Variants in PKN3 observed in about 807,000 individuals in gnomAD.
PKN3 encodes protein kinase N3.
A neutral mutation model predicts 113.1 loss-of-function variants in PKN3; 91 were observed. The observed-to-expected ratio is 0.80, with a 90% CI of 0.68 to 0.96. The LOEUF (loss-of-function observed/expected upper bound fraction) is 0.96. Among genes scored for constraint, PKN3 ranks in the 40% least tolerant of loss-of-function variants. The pLI is 0.00. For synonymous variants in PKN3, 467 were observed against 499.0 expected, an observed-to-expected ratio of 0.94 and a Z score of 0.85; for missense variants, 1,052 against 1,202.2, an observed-to-expected ratio of 0.88 and a Z score of 1.85.
rs34182369 is a variant in PKN3 at position 128,717,117 on chromosome 9, C to CTT, written c.1985+219_1985+220dup. Among the ~76,000 whole-genome samples the CTT allele has an allele frequency of 3.4e-3, 83 of 24,374 alleles. 27 individuals carry two copies. Among genetic ancestry groups the CTT allele is most frequent in the East Asian group, 6.1e-3 (4 of 658 alleles). The allele number at this position is 24,374 out of a possible 152,430, so 16.0% of individuals were successfully genotyped here. The stretch of plus-strand genomic sequence containing the variant: ...GCTTATGAAGCTGTGCATTAGGTTT[C>CTT]TTTTTTTTTTTTTTTTTTTTTTTTT... On this transcript the variant is annotated intron_variant, in intron 16 of 21. Transcript: ENST00000291906.
At position 128,716,927 on chromosome 9, in the gene PKN3, G is replaced by GGTTCC; in HGVS notation, c.1985+5_1985+9dup. ...TCTTCCCCGAGCCCCAGGCCCGGTG[G>GGTTCC]GTTCCATCCCTCCTGCCTGCCTCTT... On this transcript the variant is annotated splice_donor_region_variant and intron_variant, in intron 16 of 21. Coordinates refer to ENST00000291906, the MANE Select transcript of PKN3 (RefSeq NM_013355.5). The GGTTCC allele has an allele frequency of 6.2e-7, 1 of 1,612,668 alleles. No homozygotes were observed. The highest frequency in any genetic ancestry group is 8.5e-7 in the Non-Finnish European group (1 of 1,179,252).
chr9:128,703,665 G>C (rs1861921155), intron 1 of PKN3: 4 of 985,442 alleles, frequency 4.1e-6, no homozygotes, highest in Non-Finnish European at 4.8e-6. Context: ...GCGGAAAGGA[G>C]GTGGTGTGTG....
chr9:128,719,755 C>T lies in PKN3; in HGVS notation c.2195C>T (p.Thr732Ile). ...TPEFLAPEVL[T>I]QEAYTRAVDW... ...GAGTTCCTGGCTCCCGAGGTGCTGA[C>T]CCAGGAGGCATACACACGGGCTGTG... is the stretch of plus-strand genomic sequence containing the variant. The change falls in exon 19 of 22, where the codon ACC becomes ATC. Residue 732 changes from threonine to isoleucine, a missense_variant. Thr to Ile is a moderately conservative substitution (Grantham distance 89, BLOSUM62 -1). Coordinates refer to ENST00000291906, the MANE Select transcript of PKN3 (RefSeq NM_013355.5). The T allele has an allele frequency of 6.2e-7, 1 of 1,605,002 alleles. No homozygotes were observed. The highest frequency in any genetic ancestry group is 8.5e-7 in the Non-Finnish European group (1 of 1,174,910).
chr9:128,716,994 ACTG>A, intron 16 of PKN3, 71 bp downstream of exon 16: 1 of 1,317,376 alleles, frequency 7.6e-7, no homozygotes, highest in Non-Finnish European at 1.1e-6. Context: ...CTCTCTACAT[ACTG>A]CTTTCTCCAA....
chr9:128,716,660 C>T (rs1862347458), intron 15 of PKN3, 87 bp from the exon 16 acceptor site: 2 of 1,050,678 alleles, frequency 1.9e-6, no homozygotes, highest in African/African-American at 3.2e-5. Flanking sequence ...GGCTGAGGGC[C>T]CAGTGAGCCA....
chr9:128,719,896 C>T lies in PKN3; in HGVS notation c.2269-14C>T. Reference sequence around the variant, plus strand: ...GGGTGGCCCGTGCATCCTGCTGAGCCCCCATCTCCACAGTGCCCGTTCCCA... The same window carrying T: ...GGGTGGCCCGTGCATCCTGCTGAGCTCCCATCTCCACAGTGCCCGTTCCCA... On this transcript the variant is annotated splice_polypyrimidine_tract_variant and intron_variant, in intron 19 of 21. Coordinates refer to ENST00000291906, the MANE Select transcript of PKN3 (RefSeq NM_013355.5). 6.2e-7 allele frequency: 1 copy of T among 1,613,288 alleles called. No individual in the cohort carries two copies. The highest frequency in any genetic ancestry group is 1.1e-5 in the South Asian group (1 of 91,068).
At chr9:128,713,701 G>T in intron 9 of PKN3, 59 bp downstream of exon 9, 2 of 1,561,166 alleles carry the variant, frequency 1.3e-6, no homozygotes, top group South Asian at 1.1e-5. Context: ...GGCCAGGAAG[G>T]CCTTCAAGAC....
intron 6 of PKN3, among the ~76,000 whole-genome samples, chr9:128,710,928 C>T (rs1042154409): frequency 6.6e-6 from 1 of 152,114 alleles, no homozygotes; most frequent in African/African-American, 2.4e-5. Flanking sequence ...TACTCAAGGC[C>T]ACCCCATATC....
At chr9:128,707,124 C>G in intron 5 of PKN3, 98 bp from the exon 6 acceptor site, 1 of 1,588,600 alleles carries the variant, frequency 6.3e-7, no homozygotes, top group East Asian at 2.2e-5. Flanking sequence ...CAGGACTTCT[C>G]TGTTGAGACT....
intron 6 of PKN3, chr9:128,709,693 A>AGT (rs1404016763): frequency 6.6e-6 from 1 of 151,762 alleles, no homozygotes; most frequent in Non-Finnish European, 1.5e-5. Context: ...TGGAGGTTGC[A>AGT]GTGAGCCAAG....
intron 1 of PKN3, among the ~76,000 whole-genome samples, chr9:128,704,807 A>T (rs1861958197): frequency 6.6e-6 from 1 of 151,784 alleles, no homozygotes; most frequent in Non-Finnish European, 1.5e-5. Flanking sequence ...AATCCCAGCT[A>T]CTCAGGAGGC....
intron 6 of PKN3, among the ~76,000 whole-genome samples, chr9:128,708,513 T>A (rs1862085438): frequency 6.7e-6 from 1 of 148,780 alleles, no homozygotes; most frequent in South Asian, 2.1e-4. Context: ...AGCTCAGGAG[T>A]TTTTTTGAGA....
In PKN3 at chr9:128,718,567, C is replaced by T; in HGVS notation, c.2067C>T (p.Asn689=). The part of the protein sequence containing the change: ...KIIYRDLKLD[N]LLLDAQGFLK... ...CCCTCAGGGACCTGAAGTTGGATAA[C>T]CTTCTGCTGGATGCCCAGGGATTCC... is the stretch of plus-strand genomic sequence containing the variant. The change falls in exon 18 of 22, where the codon AAC becomes AAT. Residue 689 remains asparagine (N), a synonymous_variant. Coordinates refer to ENST00000291906, the MANE Select transcript of PKN3 (RefSeq NM_013355.5). 6.2e-7 allele frequency: 1 copy of T among 1,614,096 alleles called. No individual in the cohort carries two copies. Among genetic ancestry groups the T allele is most frequent in the Non-Finnish European group, 8.5e-7 (1 of 1,180,010 alleles).
intron 18 of PKN3, among the ~76,000 whole-genome samples, chr9:128,719,322 T>G (rs1220541450): frequency 6.6e-6 from 1 of 151,720 alleles, no homozygotes; most frequent in Non-Finnish European, 1.5e-5. Flanking sequence ...CCCGAGTACC[T>G]GCGATTACAG....
At chr9:128,719,647 C>T in intron 18 of PKN3, 39 bp from the exon 19 acceptor site, 2 of 1,520,352 alleles carry the variant, frequency 1.3e-6, no homozygotes, top group Admixed American at 2.2e-5. Flanking sequence ...TGTGAATAGG[C>T]CACACCAAGC....
At chr9:128,714,158 G>C (rs373868273) in intron 10 of PKN3, 37 bp downstream of exon 10, 1 of 1,613,912 alleles carries the variant, frequency 6.2e-7, no homozygotes, top group African/African-American at 1.3e-5. Context: ...GAGGGAGCAG[G>C]GCTGGGGTCC....
Position 128,702,714 on chromosome 9 carries a change from G to A in PKN3, c.-202G>A, listed in dbSNP as rs1057316061. On this transcript the variant is annotated 5_prime_UTR_variant, in exon 1 of 22. The change creates a new upstream start codon in the 5' untranslated region. Transcript: ENST00000291906. ...GGCGCTGGGGCGCGGGACCTCGGGC[G>A]TGGGGTCCCGGGCGCTGGATCGGCG... 12 of 484,294 alleles carry A rather than the reference G, an allele frequency of 2.5e-5. No homozygotes were observed. The highest frequency in any genetic ancestry group is 4.4e-5 in the Admixed American group (1 of 22,630). The allele number at this position is 484,294 out of a possible 1,614,324, so 30.0% of individuals were successfully genotyped here.
In PKN3 at chr9:128,719,892, G is replaced by A. The variant is rs1285935952; in HGVS notation, c.2269-18G>A. 1.2e-5 allele frequency: 19 copies of A among 1,613,268 alleles called. No individual in the cohort carries two copies. The highest frequency in any genetic ancestry group is 1.6e-5 in the Non-Finnish European group (19 of 1,179,266). ...GGTGGGGTGGCCCGTGCATCCTGCTGAGCCCCCATCTCCACAGTGCCCGTT... is the reference window on the plus strand; with the variant it reads ...GGTGGGGTGGCCCGTGCATCCTGCTAAGCCCCCATCTCCACAGTGCCCGTT... On this transcript the variant is annotated intron_variant, in intron 19 of 21. Transcript: ENST00000291906.
In PKN3 at chr9:128,720,028, C is replaced by A. The variant is rs765406210; in HGVS notation, c.2376+11C>A. On this transcript the variant is annotated intron_variant, in intron 20 of 21. Coordinates refer to ENST00000291906, the MANE Select transcript of PKN3 (RefSeq NM_013355.5). This position sits in a 1 kb window ranked among gnomAD's most constrained non-coding sequence, Gnocchi z 5.5. ...GAGTTCATTCAGAAGGTAAGCACTG[C>A]GGGGTCTGGGGCTGGGCTGGATGGC... 4 of 1,607,154 alleles carry A rather than the reference C, an allele frequency of 2.5e-6. No homozygotes were observed. The highest frequency in any genetic ancestry group is 3.4e-6 in the Non-Finnish European group (4 of 1,173,844).
Sources: gnomAD v4.1 joint callset for allele counts (sites outside exome capture counted in the v4.1 genomes callset) on GRCh38, gnomAD v4.1.1 for gene constraint, Gnocchi (gnomAD v3.1) non-coding constraint, MANE v1.5 for transcripts, NCBI Gene and HGNC (gene_info 2026-07-23, HGNC 2026-07-21) for gene names.